CORO1C: variants seen among roughly 807,000 people sequenced by gnomAD.
The protein encoded by CORO1C is coronin-1C.
A neutral mutation model predicts 51.2 loss-of-function variants in CORO1C; 14 were observed. The observed-to-expected ratio is 0.27, with a 90% confidence interval of 0.18 to 0.43. The LOEUF is 0.43. CORO1C is among the 20% of genes least tolerant of loss of function. The probability of loss-of-function intolerance (pLI) is 1.00; values close to 1 mark genes in which losing one functional copy is unlikely to be tolerated. For synonymous variants in CORO1C, 181 were observed against 210.5 expected, an observed-to-expected ratio of 0.86 and a Z score of 1.21; for missense variants, 417 against 607.8, an observed-to-expected ratio of 0.69 and a Z score of 3.30.
Position 108,731,464 on chromosome 12 carries a change from C to G in CORO1C, c.-41G>C, listed in dbSNP as rs1316635486. The stretch of plus-strand genomic sequence containing the variant: ...GTGCCTGAGGCGCCGCCGCCGAAGT[C>G]CCCGCTGCAAAGCCGGGCGAAGCCT... On this transcript the variant is annotated 5_prime_UTR_variant, in exon 1 of 11. Transcript: ENST00000261401. This position sits in a 1 kb window ranked among gnomAD's most constrained non-coding sequence, Gnocchi z 5.2. The G allele has an allele frequency of 6.6e-6, 1 of 152,560 alleles. No individual in the cohort carries two copies. The highest frequency in any genetic ancestry group is 1.5e-5 in the Non-Finnish European group (1 of 68,490). 9.5% of individuals were successfully genotyped at this position (152,560 alleles called of 1,614,324 possible).
intron 3 of CORO1C, among the ~76,000 whole-genome samples, chr12:108,665,466 A>G (rs1361933920): frequency 6.6e-6 from 1 of 152,184 alleles, no homozygotes; most frequent in Non-Finnish European, 1.5e-5. Flanking sequence ...AACTAAATAC[A>G]GGCCCTGCTC....
Position 108,658,218 on chromosome 12 carries a change from G to T in CORO1C, c.630+520C>A, listed in dbSNP as rs544417126. 1.8e-4 allele frequency among the ~76,000 whole-genome samples: 27 copies of T among 151,774 alleles called. No individual in the cohort carries two copies. The highest frequency in any genetic ancestry group is 6.8e-3 in the Middle Eastern group (2 of 294). On this transcript the variant is annotated intron_variant, in intron 5 of 10. Coordinates refer to ENST00000261401, the MANE Select transcript of CORO1C (RefSeq NM_014325.4). This position sits in a 1 kb window ranked among gnomAD's most constrained non-coding sequence, Gnocchi z 4.9. ...TTTATTTATTTATTTATTTATTTTT[G>T]TATTTTTAGTAGAGACAGAGTTTCA...
chr12:108,687,936 T>TG (rs1340761256), intron 2 of CORO1C, among the ~76,000 whole-genome samples: 3 of 151,622 alleles, frequency 2.0e-5, no homozygotes, highest in African/African-American at 7.3e-5. Context: ...TTTTTTTTTT[T>TG]TGAGACGGAG....
intron 1 of CORO1C, among the ~76,000 whole-genome samples, chr12:108,720,955 T>C (rs1414705619): frequency 1.3e-5 from 2 of 152,210 alleles, no homozygotes; most frequent in African/African-American, 4.8e-5. Flanking sequence ...TTAACATTTA[T>C]TGAACAGCTA....
chr12:108,719,632 C>T (rs770280880), intron 1 of CORO1C, among the ~76,000 whole-genome samples: 55 of 152,290 alleles, frequency 3.6e-4, no homozygotes, highest in South Asian at 1.2e-3. Flanking sequence ...CTGGGCAGGG[C>T]ACACCTAGAG....
intron 3 of CORO1C, among the ~76,000 whole-genome samples, chr12:108,668,685 T>G (rs556317010): frequency 6.6e-6 from 1 of 152,338 alleles, no homozygotes; most frequent in Admixed American, 6.5e-5. Context: ...GACTATCATT[T>G]TGCAATATCT....
rs2032716532 is a variant in CORO1C at position 108,652,372 on chromosome 12, A to T, written c.901T>A (p.Tyr301Asn). The change falls in exon 8 of 11, where the codon TAC (tyrosine) becomes AAC (asparagine). Residue 301 changes from tyrosine to asparagine, a missense_variant. Tyr to Asn is a moderately radical substitution (Grantham distance 143). Coordinates refer to ENST00000261401, the MANE Select transcript of CORO1C (RefSeq NM_014325.4). ...CTGAATGTGTTGAGGTAGTGGACGTACGGGGATTCATCCGTGATCTCAAAA... is the reference window on the plus strand; with the variant it reads ...CTGAATGTGTTGAGGTAGTGGACGTTCGGGGATTCATCCGTGATCTCAAAA... ...RYFEITDESPYVHYLNTFSSK... is the reference protein window; with the variant it reads ...RYFEITDESPNVHYLNTFSSK... 6.2e-7 allele frequency: 1 copy of T among 1,613,696 alleles called. No homozygotes were observed. The highest frequency in any genetic ancestry group is 8.5e-7 in the Non-Finnish European group (1 of 1,179,724).
At chr12:108,683,524 C>T (rs1465181922) in intron 2 of CORO1C, among the ~76,000 whole-genome samples, 4 of 151,184 alleles carry the variant, frequency 2.6e-5, no homozygotes, top group Non-Finnish European at 5.9e-5. Context: ...CAAATGAATA[C>T]CAATAATTTT....
chr12:108,692,530 T>C (rs924422692), intron 2 of CORO1C, among the ~76,000 whole-genome samples: 2 of 152,202 alleles, frequency 1.3e-5, no homozygotes, highest in Non-Finnish European at 2.9e-5. Flanking sequence ...GAGACTGCCA[T>C]TCCCTCTCAA....
intron 1 of CORO1C, among the ~76,000 whole-genome samples, chr12:108,719,398 C>A (rs2035421337): frequency 6.6e-6 from 1 of 152,130 alleles, no homozygotes. Context: ...ATCGTGAATA[C>A]AATATAAACC....
intron 1 of CORO1C, among the ~76,000 whole-genome samples, chr12:108,714,130 C>T (rs555363930): frequency 2.0e-5 from 3 of 152,264 alleles, no homozygotes; most frequent in South Asian, 2.1e-4. Flanking sequence ...GTGGCTCACA[C>T]CTATAATCCC....
intron 3 of CORO1C, among the ~76,000 whole-genome samples, chr12:108,664,349 A>G (rs2033391749): frequency 6.6e-6 from 1 of 152,182 alleles, no homozygotes; most frequent in Non-Finnish European, 1.5e-5. Flanking sequence ...AGAGATCTAG[A>G]CTGGATGAGT....
At chr12:108,676,903 G>C (rs904162283) in intron 3 of CORO1C, among the ~76,000 whole-genome samples, 6 of 152,006 alleles carry the variant, frequency 3.9e-5, no homozygotes, top group African/African-American at 1.5e-4. Context: ...TCACAGCAGC[G>C]TATTTCCTTA....
chr12:108,679,035 C>A (rs538241897), intron 2 of CORO1C, among the ~76,000 whole-genome samples: 1 of 142,910 alleles, frequency 7.0e-6, no homozygotes, highest in African/African-American at 2.6e-5. Flanking sequence ...CGCTTGAACC[C>A]GGTAGGCAGA....
intron 8 of CORO1C, among the ~76,000 whole-genome samples, chr12:108,650,180 C>CTTTTTTTTT (rs1057367204): frequency 2.5e-5 from 2 of 80,414 alleles, no homozygotes; most frequent in Admixed American, 1.9e-4. Context: ...AACCAAAAAC[C>CTTTTTTTTT]TTTTTTTTTT....
At chr12:108,723,236 C>A (rs1346885021) in intron 1 of CORO1C, among the ~76,000 whole-genome samples, 1 of 152,202 alleles carries the variant, frequency 6.6e-6, no homozygotes, top group Non-Finnish European at 1.5e-5. Context: ...CACGTGTGTT[C>A]CTCAGTCCCC....
At chr12:108,727,075 A>ACAAT (rs1340396045) in intron 1 of CORO1C, among the ~76,000 whole-genome samples, 1 of 152,232 alleles carries the variant, frequency 6.6e-6, no homozygotes, top group Non-Finnish European at 1.5e-5. Flanking sequence ...ACTTCAATAA[A>ACAAT]CAATCATTCA....
At chr12:108,715,071 A>G (rs947268948) in intron 1 of CORO1C, among the ~76,000 whole-genome samples, 3 of 152,034 alleles carry the variant, frequency 2.0e-5, no homozygotes, top group African/African-American at 2.4e-5. Flanking sequence ...GACAAAAGAT[A>G]AAATTCCTAA....
chr12:108,662,045 A>G lies in CORO1C; in HGVS notation c.432T>C (p.Asn144=), dbSNP rs761260281. The change falls in exon 4 of 11, where the codon AAT becomes AAC. Residue 144 remains asparagine, a synonymous_variant. Coordinates refer to ENST00000261401, the MANE Select transcript of CORO1C (RefSeq NM_014325.4). ...GIVAWHPTAR[N]VLLSAGCDNA... ...AGCTCCCACCTGCACTAAGAAGCAC[A>G]TTGCGGGCCGTTGGATGCCAAGCCA... 4 of 1,614,132 alleles carry G rather than the reference A, an allele frequency of 2.5e-6. No homozygotes were observed. The highest frequency in any genetic ancestry group is 3.3e-5 in the Admixed American group (2 of 60,012).
Sources: gnomAD v4.1 joint callset for allele counts (sites outside exome capture counted in the v4.1 genomes callset) on GRCh38, gnomAD v4.1.1 for gene constraint, Gnocchi (gnomAD v3.1) non-coding constraint, MANE v1.5 for transcripts, NCBI Gene and HGNC (gene_info 2026-07-23, HGNC 2026-07-21) for gene names.